The following TRAF3 variants were observed in gnomAD, a reference collection of about 807,000 sequenced individuals.
TRAF3 encodes the protein TNF receptor associated factor 3.
TRAF3 carries 13 observed loss-of-function variants against 62.3 expected under a neutral mutation model. The ratio of observed to expected loss-of-function variants is 0.21; its 90% confidence interval spans 0.14 to 0.33. The LOEUF (loss-of-function observed/expected upper bound fraction) is 0.33, where lower values mean the gene tolerates loss of function less well. TRAF3 is among the 10% of genes least tolerant of loss of function. The pLI is 1.00. For missense variants in TRAF3, 440 were observed against 741.8 expected, an observed-to-expected ratio of 0.59 and a Z score of 4.73; for synonymous variants, 269 against 283.4, an observed-to-expected ratio of 0.95 and a Z score of 0.51.
chr14:102,844,757 T>G (rs1566770498), intron 2 of TRAF3, among the ~76,000 whole-genome samples: 1 of 152,152 alleles, frequency 6.6e-6, no homozygotes, highest in Non-Finnish European at 1.5e-5. Context: ...GAATTCTTAG[T>G]TGGCCAGGTG....
chr14:102,859,667 C>A (rs757008181), intron 2 of TRAF3, among the ~76,000 whole-genome samples: 3 of 152,164 alleles, frequency 2.0e-5, no homozygotes, highest in Non-Finnish European at 4.4e-5. Flanking sequence ...AAAGGCATTA[C>A]GCTTTTTATT....
chr14:102,819,334 C>T (rs950354843), intron 1 of TRAF3, among the ~76,000 whole-genome samples: 4 of 152,178 alleles, frequency 2.6e-5, no homozygotes, highest in Middle Eastern at 3.2e-3. Flanking sequence ...TGCCCGCACC[C>T]ACCACCAGCC....
chr14:102,907,272 C>T lies in TRAF3; in HGVS notation c.*1488C>T, dbSNP rs1362205848. ...TCTGAGCATTCCAGAGACCGCTGCT[C>T]GGGGGCCTGCCCAGGCTGACCAACG... is the stretch of plus-strand genomic sequence containing the variant. On this transcript the variant is annotated 3_prime_UTR_variant, in exon 12 of 12. Transcript: ENST00000392745. 5 of 152,288 alleles carry T rather than the reference C, an allele frequency of 3.3e-5. No homozygotes were observed. The highest frequency in any genetic ancestry group is 9.6e-5 in the African/African-American group (4 of 41,470). The allele number at this position is 152,288 out of a possible 1,614,324, so 9.4% of individuals were successfully genotyped here. A position where few individuals can be genotyped will look rare whatever the true frequency, so the allele number is the denominator to read the frequency against.
At chr14:102,864,397 C>A (rs1887862511) in intron 2 of TRAF3, among the ~76,000 whole-genome samples, 1 of 152,124 alleles carries the variant, frequency 6.6e-6, no homozygotes, top group South Asian at 2.1e-4. Context: ...ATCTGCCCAC[C>A]TCGGCCTCCC....
intron 2 of TRAF3, among the ~76,000 whole-genome samples, chr14:102,852,834 A>G (rs528131942): frequency 6.6e-6 from 1 of 151,978 alleles, no homozygotes; most frequent in East Asian, 1.9e-4. Context: ...TTGAGTAGCT[A>G]GGACTCACAG....
chr14:102,778,175 C>T (rs1897109868), intron 1 of TRAF3, among the ~76,000 whole-genome samples: 1 of 151,148 alleles, frequency 6.6e-6, no homozygotes, highest in Admixed American at 6.6e-5. Flanking sequence ...CCTCCGACCG[C>T]TTGGCGGGCG....
At chr14:102,898,400 G>A (rs4906270) in intron 10 of TRAF3, among the ~76,000 whole-genome samples, 2 of 152,074 alleles carry the variant, frequency 1.3e-5, no homozygotes, top group Non-Finnish European at 2.9e-5. Flanking sequence ...CAAGCCTCCC[G>A]CTGGAAGCCC....
intron 6 of TRAF3, among the ~76,000 whole-genome samples, chr14:102,878,247 A>G (rs1392235289): frequency 6.6e-6 from 1 of 152,198 alleles, no homozygotes; most frequent in East Asian, 1.9e-4. Context: ...CAGCATTGAA[A>G]TGCAGCTGTT....
chr14:102,864,171 C>T (rs10141209), intron 2 of TRAF3, among the ~76,000 whole-genome samples: 3,794 of 131,418 alleles, frequency 0.029, 173 homozygotes, highest in African/African-American at 0.1. Context: ...TTTTTGGAGA[C>T]GGATTCTTGC....
chr14:102,852,158 C>A (rs1195561675), intron 2 of TRAF3, among the ~76,000 whole-genome samples: 1 of 151,978 alleles, frequency 6.6e-6, no homozygotes, highest in Non-Finnish European at 1.5e-5. Flanking sequence ...TTTTTACAGA[C>A]AAGGTCTCTC....
chr14:102,820,860 C>T (rs1899940878), intron 1 of TRAF3, among the ~76,000 whole-genome samples: 3 of 151,340 alleles, frequency 2.0e-5, no homozygotes, highest in African/African-American at 7.3e-5. Flanking sequence ...TCTTGAACTC[C>T]TGGGTTCAAG....
rs376497455 is a variant in TRAF3 at position 102,813,757 on chromosome 14, C to T, written c.-156-16577C>T. ...TGAGCCACCCACCTGGCCAATTTGC[C>T]CATTTTTTAATTGGATTTTTTTTTT... On this transcript the variant is annotated intron_variant, in intron 1 of 11. Transcript: ENST00000392745. Among the ~76,000 whole-genome samples, 15 of 152,024 alleles carry T rather than the reference C, an allele frequency of 9.9e-5. 1 individual carries two copies. The highest frequency in any genetic ancestry group is 2.1e-4 in the Non-Finnish European group (14 of 67,986).
chr14:102,883,825 A>G (rs1165025176), intron 6 of TRAF3, among the ~76,000 whole-genome samples: 2 of 152,140 alleles, frequency 1.3e-5, no homozygotes, highest in East Asian at 3.9e-4. Context: ...CCCCCAGGTA[A>G]TCCGCCTGTC....
At chr14:102,831,925 C>G (rs1900716617) in intron 2 of TRAF3, among the ~76,000 whole-genome samples, 1 of 152,102 alleles carries the variant, frequency 6.6e-6, no homozygotes, top group South Asian at 2.1e-4. Context: ...TAACTTAGCA[C>G]AAGGCTTCTA....
chr14:102,897,481 C>CT (rs1890063956), intron 10 of TRAF3, 80 bp downstream of exon 10: 2 of 1,568,040 alleles, frequency 1.3e-6, no homozygotes, highest in African/African-American at 1.4e-5. Context: ...TTAGCAAACT[C>CT]TTTGAGCTGA....
chr14:102,789,914 G>A (rs957287588), intron 1 of TRAF3, among the ~76,000 whole-genome samples: 11 of 151,634 alleles, frequency 7.3e-5, no homozygotes, highest in East Asian at 5.8e-4. Context: ...TGCAATCTCC[G>A]CCTCCTGGGT....
intron 9 of TRAF3, among the ~76,000 whole-genome samples, chr14:102,896,558 C>T (rs748834648): frequency 7.2e-5 from 11 of 152,150 alleles, no homozygotes; most frequent in East Asian, 1.9e-4. Flanking sequence ...TACACACACA[C>T]GTTGGTATAA....
chr14:102,798,499 G>A (rs774029041), intron 1 of TRAF3, among the ~76,000 whole-genome samples: 1 of 152,208 alleles, frequency 6.6e-6, no homozygotes, highest in Admixed American at 6.5e-5. Flanking sequence ...AACTAGCCAG[G>A]TGTGGTGGCG....
chr14:102,854,809 T>G (rs888695474), intron 2 of TRAF3, among the ~76,000 whole-genome samples: 2 of 152,036 alleles, frequency 1.3e-5, no homozygotes, highest in East Asian at 1.9e-4. Context: ...CTGTTTTTTT[T>G]TTTTTTTTTT....
Sources: allele counts gnomAD v4.1 joint callset (sites outside exome capture counted in the v4.1 genomes callset), GRCh38; gene constraint gnomAD v4.1.1; transcripts MANE v1.5; gene names NCBI Gene and HGNC (gene_info 2026-07-23, HGNC 2026-07-21).